The following WDFY4 variants were observed in gnomAD, a reference collection of about 807,000 sequenced individuals.
WDFY4 encodes the protein WD repeat- and FYVE domain-containing protein 4.
A neutral mutation model predicts 351.9 loss-of-function variants in WDFY4; 169 were observed. The ratio of observed to expected loss-of-function variants is 0.48; its 90% CI spans 0.42 to 0.55. WDFY4 has a LOEUF of 0.55. Ranked by LOEUF, WDFY4 falls within the 20% of genes least tolerant of loss-of-function variation. The pLI, the probability that WDFY4 is intolerant of heterozygous loss-of-function variation, is 0.00. For synonymous variants in WDFY4, 1,622 were observed against 1,574.6 expected (o/e 1.03, Z -0.71); for missense variants, 3,803 against 3,935.6 (o/e 0.97, Z 0.90).
chr10:48,974,735 G>A (rs907097218), intron 57 of WDFY4, 127 bp from the exon 58 acceptor site: 1 of 981,524 alleles, frequency 1.0e-6, no homozygotes, highest in Non-Finnish European at 1.5e-6. Flanking sequence ...AACAGACTTG[G>A]GAATCACTGA....
intron 19 of WDFY4, among the ~76,000 whole-genome samples, chr10:48,785,017 C>T (rs569724548): frequency 1.3e-5 from 2 of 151,346 alleles, no homozygotes; most frequent in Admixed American, 1.3e-4. Flanking sequence ...ACCACCATGC[C>T]TGGCTAATGT....
intron 31 of WDFY4, 24 bp from the exon 32 acceptor site, chr10:48,817,221 T>C (rs1565231809): frequency 1.9e-6 from 3 of 1,550,708 alleles, no homozygotes; most frequent in Non-Finnish European, 2.6e-6. Context: ...TGCCCTGCAC[T>C]ACCTCTCACC....
At chr10:48,820,109 G>A (rs966160733) in intron 32 of WDFY4, 125 bp from the exon 33 acceptor site, 30 of 1,092,066 alleles carry the variant, frequency 2.7e-5, no homozygotes, top group Non-Finnish European at 3.5e-5. Context: ...TTTCCTGTGC[G>A]GAGCCTCAAT....
At position 48,974,863 on chromosome 10, in the gene WDFY4, C is replaced by T. The variant is rs777785599; in HGVS notation, c.8930C>T (p.Ala2977Val). ...TAACCTGTGAGTCTCTGTCCCCAGG[C>T]CTTGTATGGACACACACAGGCTGTC... ...GRPRGLRLRQALYGHTQAVTC... is the reference protein window; with the variant it reads ...GRPRGLRLRQVLYGHTQAVTC... Residue 2977 changes from alanine (A) to valine (V), a missense_variant and splice_region_variant, in exon 58 of 62, where the codon GCC (alanine) becomes GTC (valine). Coordinates refer to ENST00000325239, the MANE Select transcript of WDFY4 (RefSeq NM_001394531.1). 1.3e-6 allele frequency: 2 copies of T among 1,540,300 alleles called. No individual in the cohort carries two copies. Among genetic ancestry groups the T allele is most frequent in the Admixed American group, 4.0e-5 (2 of 50,544 alleles).
chr10:48,724,356 A>C (rs1364706986), intron 5 of WDFY4, among the ~76,000 whole-genome samples: 1 of 152,054 alleles, frequency 6.6e-6, no homozygotes, highest in Non-Finnish European at 1.5e-5. Context: ...TCCACATTAG[A>C]CGAATTCCCA....
chr10:48,862,426 C>G (rs1035205645), intron 39 of WDFY4, among the ~76,000 whole-genome samples: 2 of 152,172 alleles, frequency 1.3e-5, no homozygotes, highest in Admixed American at 1.3e-4. Context: ...GCATTAGACT[C>G]TCATAGGAGC....
intron 44 of WDFY4, among the ~76,000 whole-genome samples, chr10:48,892,587 G>A (rs932220813): frequency 6.6e-6 from 1 of 152,212 alleles, no homozygotes; most frequent in Admixed American, 6.5e-5. Context: ...GCAGTTCTGA[G>A]ACAGACTATT....
At chr10:48,974,572 G>A (rs1267880210) in intron 57 of WDFY4, among the ~76,000 whole-genome samples, 2 of 140,994 alleles carry the variant, frequency 1.4e-5, no homozygotes, top group African/African-American at 5.3e-5. Flanking sequence ...GATAGATGTA[G>A]GGCAGCACAA....
intron 1 of WDFY4, among the ~76,000 whole-genome samples, chr10:48,685,424 C>A (rs541038166): frequency 2.0e-5 from 3 of 152,170 alleles, no homozygotes; most frequent in African/African-American, 4.8e-5. Flanking sequence ...GGCTCGCCCT[C>A]CAAGCTCCCT....
At chr10:48,781,220 ATATATATATGTGTGTGTGTGTGTG>A (rs1428460466) in intron 19 of WDFY4, among the ~76,000 whole-genome samples, 3 of 146,702 alleles carry the variant, frequency 2.0e-5, no homozygotes, top group Non-Finnish European at 4.5e-5. Flanking sequence ...ATGACCAAAT[ATATATATATGTGTGTGTGTGTGTG>A]TATATATATA....
chr10:48,727,470 C>T lies in WDFY4; in HGVS notation c.782C>T (p.Ala261Val), dbSNP rs1250484813. 6.4e-7 allele frequency: 1 copy of T among 1,551,610 alleles called. No individual in the cohort carries two copies. The highest frequency in any genetic ancestry group is 2.0e-5 in the Admixed American group (1 of 50,998). ...QNLSIIQYLQATDCVRLSLQN... is the reference protein window; with the variant it reads ...QNLSIIQYLQVTDCVRLSLQN... ...TCTCTCCTGTGCTTCCCTCCTGCAGCCACAGACTGTGTCAGGCTCTCCCTC... is the reference window on the plus strand; with the variant it reads ...TCTCTCCTGTGCTTCCCTCCTGCAGTCACAGACTGTGTCAGGCTCTCCCTC... The change falls in exon 7 of 62, where the codon GCC becomes GTC. Residue 261 changes from alanine (A) to valine (V), a missense_variant and splice_region_variant. By Grantham distance (64) the Ala-to-Val change is moderately conservative. Transcript: ENST00000325239.
intron 39 of WDFY4, among the ~76,000 whole-genome samples, chr10:48,854,979 G>A (rs180997903): frequency 4.3e-4 from 65 of 152,256 alleles, no homozygotes; most frequent in East Asian, 1.5e-3. Context: ...TATGTCACTT[G>A]TAATGCTCAT....
At chr10:48,888,941 G>A (rs1280454748) in intron 43 of WDFY4, among the ~76,000 whole-genome samples, 2 of 152,198 alleles carry the variant, frequency 1.3e-5, no homozygotes, top group Non-Finnish European at 2.9e-5. Flanking sequence ...TCCCGCTACT[G>A]GATTTTAAGC....
At chr10:48,943,242 C>T in intron 48 of WDFY4, 88 bp from the exon 49 acceptor site, 1 of 1,471,206 alleles carries the variant, frequency 6.8e-7, no homozygotes, top group African/African-American at 1.4e-5. Context: ...AGAGCCAGGG[C>T]CTGCTGCCGA....
At chr10:48,751,045 C>T (rs1282034154) in intron 12 of WDFY4, among the ~76,000 whole-genome samples, 2 of 152,174 alleles carry the variant, frequency 1.3e-5, no homozygotes, top group African/African-American at 4.8e-5. Flanking sequence ...GTGCAGTTGT[C>T]CTGCAACTGC....
chr10:48,765,445 G>T (rs1039204060), intron 13 of WDFY4, among the ~76,000 whole-genome samples: 2 of 152,220 alleles, frequency 1.3e-5, no homozygotes. Context: ...ATTACATGGA[G>T]CAATGCATGG....
At position 48,774,547 on chromosome 10, in the gene WDFY4, C is replaced by G; in HGVS notation, c.2643C>G (p.Gly881=). Residue 881 remains glycine (G), a synonymous_variant, in exon 14 of 62, where the codon GGC becomes GGG. Transcript: ENST00000325239. The stretch of plus-strand genomic sequence containing the variant: ...ACCGCCAGGTCATGTGCGAAGCAGG[C>G]TTGCTTGGGACCCTCATGGCCTCCT... The part of the protein sequence containing the change: ...EKNRQVMCEA[G]LLGTLMASCH... The G allele has an allele frequency of 6.4e-7, 1 of 1,551,616 alleles. No homozygotes were observed.
chr10:48,982,489 C>G lies in WDFY4; in HGVS notation c.9489-20C>G, dbSNP rs1842852880. ...GGTACTGTCCCTCTAACGTTCTTGT[C>G]TTTTCTTTCTCTTCCCAAGAAACCA... On this transcript the variant is annotated intron_variant, in intron 61 of 61. Transcript: ENST00000325239. 8 of 1,492,242 alleles carry G rather than the reference C, an allele frequency of 5.4e-6. No homozygotes were observed. The highest frequency in any genetic ancestry group is 1.4e-5 in the African/African-American group (1 of 71,120). The allele number at this position is 1,492,242 out of a possible 1,614,324, so 92.4% of individuals were successfully genotyped here. A position where few individuals can be genotyped will look rare whatever the true frequency, so the allele number is the denominator to read the frequency against.
At chr10:48,977,611 C>T (rs765537829) in intron 59 of WDFY4, among the ~76,000 whole-genome samples, 1 of 152,212 alleles carries the variant, frequency 6.6e-6, no homozygotes, top group Non-Finnish European at 1.5e-5. Flanking sequence ...TGGCCCACAT[C>T]AGTGGGCCAG....
Sources: allele counts gnomAD v4.1 joint callset (sites outside exome capture counted in the v4.1 genomes callset), GRCh38; gene constraint gnomAD v4.1.1; transcripts MANE v1.5; gene names NCBI Gene and HGNC (gene_info 2026-07-23, HGNC 2026-07-21).